The following ERC2 variants were observed in gnomAD, a reference collection of about 807,000 sequenced individuals.
ERC2 encodes the protein ELKS/RAB6-interacting/CAST family member 2.
ERC2 carries 42 observed loss-of-function variants against 114.8 expected under a neutral mutation model. The ratio of observed to expected loss-of-function variants is 0.37; its 90% confidence interval spans 0.29 to 0.47. The LOEUF (loss-of-function observed/expected upper bound fraction) is 0.47. Among genes scored for constraint, ERC2 ranks in the 20% least tolerant of loss-of-function variants. ERC2 has a pLI of 0.99. For synonymous variants in ERC2, 454 were observed against 425.5 expected, an observed-to-expected ratio of 1.07 and a Z score of -0.82; for missense variants, 939 against 1,150.7, an observed-to-expected ratio of 0.82 and a Z score of 2.66.
intron 2 of ERC2, among the ~76,000 whole-genome samples, chr3:56,397,387 C>T (rs2060352387): frequency 6.6e-6 from 1 of 151,902 alleles, no homozygotes; most frequent in Non-Finnish European, 1.5e-5. Context: ...ATTCTCAGTT[C>T]CCAGTAGCCC....
At position 56,366,760 on chromosome 3, in the gene ERC2, G is replaced by GAAC. The variant is rs1372573349; in HGVS notation, c.657+67590_657+67591insGTT. 9.7e-4 allele frequency among the ~76,000 whole-genome samples: 148 copies of GAAC among 152,336 alleles called. 1 individual carries two copies. Among genetic ancestry groups the GAAC allele is most frequent in the African/African-American group, 3.4e-3 (141 of 41,588 alleles). ...ACACAGGCACAGGCCCTATAAGCCT[G>GAAC]TTGTCTAAGCCGGCTTTACAGACTG... On this transcript the variant is annotated intron_variant, in intron 2 of 17. Coordinates refer to ENST00000288221, the MANE Select transcript of ERC2 (RefSeq NM_015576.3).
At chr3:55,579,326 GA>G (rs199845954) in intron 17 of ERC2, among the ~76,000 whole-genome samples, 96 of 149,474 alleles carry the variant, frequency 6.4e-4, no homozygotes, top group Non-Finnish European at 1.1e-3. Context: ...TTTTCAATTT[GA>G]AAAAAAAATG....
intron 12 of ERC2, 127 bp from the exon 13 acceptor site, chr3:55,950,687 G>T: frequency 9.8e-7 from 1 of 1,022,520 alleles, no homozygotes; most frequent in South Asian, 1.5e-5. Context: ...TGATACTTCT[G>T]AATAATCCAT....
intron 12 of ERC2, among the ~76,000 whole-genome samples, chr3:55,959,890 G>A (rs1198631464): frequency 6.6e-6 from 1 of 152,162 alleles, no homozygotes; most frequent in African/African-American, 2.4e-5. Flanking sequence ...CTTCCAGGAG[G>A]GTTCAAAGCA....
intron 6 of ERC2, among the ~76,000 whole-genome samples, chr3:56,123,273 T>C (rs2079683543): frequency 6.6e-6 from 1 of 152,104 alleles, no homozygotes; most frequent in African/African-American, 2.4e-5. Context: ...AGTGGAGCCC[T>C]CATGACTGGG....
chr3:55,670,247 T>TA (rs2061505284), intron 17 of ERC2, among the ~76,000 whole-genome samples: 1 of 152,186 alleles, frequency 6.6e-6, no homozygotes, highest in African/African-American at 2.4e-5. Context: ...CATGAGATCC[T>TA]ATATGCAGAC....
chr3:55,565,567 A>T lies in ERC2; in HGVS notation c.*40-54291T>A, dbSNP rs145153278. ...CTCCTTCCCAGCCTGCTGAGATGCT[A>T]CCATCAGGACTATCATAAACCACTC... On this transcript the variant is annotated intron_variant, in intron 17 of 17. Coordinates refer to ENST00000288221, the MANE Select transcript of ERC2 (RefSeq NM_015576.3). Among the ~76,000 whole-genome samples, 7 of 152,122 alleles carry T rather than the reference A, an allele frequency of 4.6e-5. No individual in the cohort carries two copies. The East Asian group carries it at 1.4e-3, about 30-fold the overall frequency.
chr3:55,937,239 C>G (rs190940268), intron 13 of ERC2, among the ~76,000 whole-genome samples: 1 of 152,202 alleles, frequency 6.6e-6, no homozygotes, highest in African/African-American at 2.4e-5. Flanking sequence ...ATCCCAGCTA[C>G]TTGGAAGTCT....
chr3:55,998,781 AAACATGC>A (rs1215763922), intron 10 of ERC2, among the ~76,000 whole-genome samples: 1 of 152,232 alleles, frequency 6.6e-6, no homozygotes, highest in Admixed American at 6.5e-5. Flanking sequence ...CTCTGGAATG[AAACATGC>A]CTGCTTTTTG....
chr3:55,961,234 C>T (rs1401221744), intron 12 of ERC2, among the ~76,000 whole-genome samples: 3 of 152,154 alleles, frequency 2.0e-5, no homozygotes, highest in Non-Finnish European at 4.4e-5. Context: ...TCCATTTGCA[C>T]TCTGACATGC....
intron 3 of ERC2, among the ~76,000 whole-genome samples, chr3:56,289,890 AGT>A (rs2054970160): frequency 6.6e-6 from 1 of 152,246 alleles, no homozygotes; most frequent in African/African-American, 2.4e-5. Context: ...CAGCTTTTGC[AGT>A]GTGTGACTGG....
intron 1 of ERC2, among the ~76,000 whole-genome samples, chr3:56,441,216 G>A (rs563567441): frequency 1.1e-4 from 16 of 152,278 alleles, no homozygotes; most frequent in Admixed American, 5.9e-4. Context: ...GAGAGGCCAC[G>A]TGAAGGAGAA....
intron 5 of ERC2, among the ~76,000 whole-genome samples, chr3:56,141,946 G>A (rs1357765372): frequency 6.6e-6 from 1 of 152,090 alleles, no homozygotes; most frequent in Non-Finnish European, 1.5e-5. Context: ...ATAGCCTTCC[G>A]AATGAAGTAG....
intron 14 of ERC2, among the ~76,000 whole-genome samples, chr3:55,859,298 C>T (rs950904770): frequency 2.6e-5 from 4 of 152,072 alleles, no homozygotes; most frequent in Non-Finnish European, 5.9e-5. Context: ...CTTTCTTCTT[C>T]GCTTCCACCC....
intron 14 of ERC2, among the ~76,000 whole-genome samples, chr3:55,879,212 G>C (rs557541800): frequency 6.7e-6 from 1 of 149,596 alleles, no homozygotes; most frequent in South Asian, 2.1e-4. Flanking sequence ...TTATTTAGTG[G>C]AATTACATAC....
At chr3:55,525,238 TCATTCATTCATG>T (rs2053233582) in intron 17 of ERC2, among the ~76,000 whole-genome samples, 1 of 152,206 alleles carries the variant, frequency 6.6e-6, no homozygotes, top group African/African-American at 2.4e-5. Flanking sequence ...GCCTATTTTC[TCATTCATTCATG>T]CATTCATTCA....
chr3:55,891,434 T>C (rs1402885450), intron 13 of ERC2, among the ~76,000 whole-genome samples: 1 of 145,122 alleles, frequency 6.9e-6, no homozygotes, highest in Non-Finnish European at 1.5e-5. Context: ...ACTGTCTGGT[T>C]CTATTTTTTT....
At chr3:55,962,685 G>C (rs777141581) in intron 12 of ERC2, among the ~76,000 whole-genome samples, 1 of 152,188 alleles carries the variant, frequency 6.6e-6, no homozygotes, top group Non-Finnish European at 1.5e-5. Context: ...GGTCCTATTT[G>C]TTTACTCCTT....
chr3:56,299,732 C>T (rs2055736296), intron 2 of ERC2, among the ~76,000 whole-genome samples: 1 of 152,186 alleles, frequency 6.6e-6, no homozygotes, highest in South Asian at 2.1e-4. Flanking sequence ...GTCCGGCCGT[C>T]ATTTAAATAT....
Sources: gnomAD v4.1 joint callset for allele counts (sites outside exome capture counted in the v4.1 genomes callset) on GRCh38, gnomAD v4.1.1 for gene constraint, MANE v1.5 for transcripts, NCBI Gene and HGNC (gene_info 2026-07-23, HGNC 2026-07-21) for gene names.